Variants in DISC1 observed in about 807,000 individuals in gnomAD.
DISC1 encodes DISC1 scaffold protein.
In DISC1, 57 loss-of-function variants were observed where a neutral mutation model predicts 84.5. The observed-to-expected ratio is 0.67, with a 90% confidence interval of 0.55 to 0.84. DISC1 has a LOEUF of 0.84. Among genes scored for constraint, DISC1 ranks in the 40% least tolerant of loss-of-function variants. The probability of loss-of-function intolerance (pLI) is 0.00; values close to 1 mark genes in which losing one functional copy is unlikely to be tolerated. For missense variants in DISC1, 1,000 were observed against 1,057.8 expected (o/e 0.95, Z 0.76); for synonymous variants, 411 against 415.2 (o/e 0.99, Z 0.12).
intron 9 of DISC1, among the ~76,000 whole-genome samples, chr1:231,902,045 A>T (rs1288085575): frequency 6.8e-6 from 1 of 146,218 alleles, no homozygotes; most frequent in African/African-American, 2.8e-5. Context: ...ATTATTAAAC[A>T]TATTATATTT....
chr1:231,937,961 G>A (rs2091084806), intron 9 of DISC1, among the ~76,000 whole-genome samples: 2 of 151,768 alleles, frequency 1.3e-5, no homozygotes, highest in South Asian at 4.2e-4. Flanking sequence ...GGCTTCTATA[G>A]ACATCTCCTC....
rs148574168 is a variant in DISC1, at chr1:231,984,917, T to C, written c.2043-23868T>C. On this transcript the variant is annotated intron_variant, in intron 10 of 12. Transcript: ENST00000439617. ...AAAGCTTAGCACGGGGTCAAGAACG[T>C]AGATTTTGGGGTTAGAGTACCTAAT... 5.0e-3 allele frequency among the ~76,000 whole-genome samples: 754 copies of C among 152,296 alleles called. 17 individuals are homozygous for C. The South Asian group carries it at 0.084, about 17-fold the overall frequency.
chr1:232,023,194 T>C (rs1201287406), intron 11 of DISC1, among the ~76,000 whole-genome samples: 1 of 152,220 alleles, frequency 6.6e-6, no homozygotes, highest in Admixed American at 6.5e-5. Flanking sequence ...ATAATAATTA[T>C]AAATATTTTG....
At chr1:231,666,308 G>GA (rs2062012725) in intron 1 of DISC1, among the ~76,000 whole-genome samples, 1 of 70,630 alleles carries the variant, frequency 1.4e-5, no homozygotes. Flanking sequence ...TTTTGTCTCA[G>GA]GAAAAAAAAA....
chr1:231,869,149 TTGAATGAATGAGTGAA>T (rs1474808616), intron 9 of DISC1, among the ~76,000 whole-genome samples: 4 of 152,196 alleles, frequency 2.6e-5, no homozygotes, highest in African/African-American at 9.6e-5. Context: ...ATCAGCTTGC[TTGAATGAATGAGTGAA>T]TGAATGAATG....
chr1:231,708,191 G>A (rs959628857), intron 3 of DISC1, among the ~76,000 whole-genome samples: 9 of 152,126 alleles, frequency 5.9e-5, no homozygotes, highest in African/African-American at 9.7e-5. Context: ...GGGTATTTCC[G>A]CGGAGATTAG....
intron 9 of DISC1, among the ~76,000 whole-genome samples, chr1:231,910,478 A>T (rs1311552074): frequency 2.0e-5 from 3 of 152,076 alleles, no homozygotes; most frequent in African/African-American, 7.2e-5. Context: ...TATGTAGTTG[A>T]GCGGTTTTGA....
In DISC1 at chr1:232,009,106, G is replaced by T; in HGVS notation, c.2307+57G>T. ...ACCCTTATTCTAAGGGGTGCTTTGG[G>T]ACCATGCTCCAAATGGGAACAATAA... On this transcript the variant is annotated intron_variant, in intron 11 of 12. Coordinates refer to ENST00000439617, the MANE Select transcript of DISC1 (RefSeq NM_018662.3). The surrounding 1 kb of genome is among the most constrained non-coding windows in gnomAD (Gnocchi z 4.6). 6.2e-7 allele frequency: 1 copy of T among 1,610,588 alleles called. No individual in the cohort carries two copies. Among genetic ancestry groups the T allele is most frequent in the Non-Finnish European group, 8.5e-7 (1 of 1,178,410 alleles).
intron 9 of DISC1, among the ~76,000 whole-genome samples, chr1:231,878,407 T>C (rs1253761442): frequency 6.6e-6 from 1 of 152,136 alleles, no homozygotes; most frequent in African/African-American, 2.4e-5. Flanking sequence ...CCAGACCCTC[T>C]GAACAAGCAA....
chr1:231,904,248 T>G (rs2088446118), intron 9 of DISC1, among the ~76,000 whole-genome samples: 3 of 152,226 alleles, frequency 2.0e-5, no homozygotes, highest in African/African-American at 7.2e-5. Context: ...CAGGCCAGAC[T>G]TCCTCTAACA....
intron 1 of DISC1, among the ~76,000 whole-genome samples, chr1:231,644,432 T>C (rs922382675): frequency 2.0e-5 from 3 of 152,182 alleles, no homozygotes; most frequent in Non-Finnish European, 4.4e-5. Context: ...TAAATTCTGT[T>C]AATAGGAGGC....
intron 9 of DISC1, among the ~76,000 whole-genome samples, chr1:231,845,133 G>A (rs936596143): frequency 1.4e-4 from 21 of 152,066 alleles, no homozygotes; most frequent in Non-Finnish European, 2.4e-4. Context: ...TTATATTGAG[G>A]CATGTTCAAC....
intron 9 of DISC1, among the ~76,000 whole-genome samples, chr1:231,926,192 T>C (rs547807711): frequency 6.6e-6 from 1 of 152,294 alleles, no homozygotes; most frequent in African/African-American, 2.4e-5. Context: ...GGTGAAAAAG[T>C]AAAAGCTCTT....
intron 1 of DISC1, among the ~76,000 whole-genome samples, chr1:231,654,449 G>C (rs1423070633): frequency 6.6e-6 from 1 of 151,846 alleles, no homozygotes; most frequent in African/African-American, 2.4e-5. Context: ...CATTTCACGT[G>C]TGTGTGTGGT....
chr1:231,934,343 C>T (rs2090854595), intron 9 of DISC1, among the ~76,000 whole-genome samples: 1 of 152,178 alleles, frequency 6.6e-6, no homozygotes, highest in South Asian at 2.1e-4. Context: ...AGCATTGTAT[C>T]TTATGGGAAT....
In DISC1 at chr1:231,954,680, T is replaced by C. The variant is rs1659105885; in HGVS notation, c.1982-4148T>C. Among the ~76,000 whole-genome samples the C allele has an allele frequency of 6.6e-6, 1 of 152,084 alleles. No homozygotes were observed. The highest frequency in any genetic ancestry group is 2.4e-5 in the African/African-American group (1 of 41,396). On this transcript the variant is annotated intron_variant, in intron 9 of 12. Transcript: ENST00000439617. This position sits in a 1 kb window ranked among gnomAD's most constrained non-coding sequence, Gnocchi z 4.8. Reference sequence around the variant, plus strand: ...GGTCCCTGCTCTACTGGACCTAAAATGGTAGGGAAGAAAGGAAGAGGAGGG... The same window carrying C: ...GGTCCCTGCTCTACTGGACCTAAAACGGTAGGGAAGAAAGGAAGAGGAGGG...
At position 231,726,714 on chromosome 1, in the gene DISC1, G is replaced by C. The variant is rs142292920; in HGVS notation, c.1118-23212G>C. Among the ~76,000 whole-genome samples the C allele has an allele frequency of 7.2e-5, 11 of 152,314 alleles. No homozygotes were observed. In the East Asian group the frequency reaches 1.7e-3, roughly 24 times the overall value. Reference sequence around the variant, plus strand: ...CCCAGAATGTGTTTGGGCAAAGGCAGTTTTATAAGTGGCCACATGATCTGG... The same window carrying C: ...CCCAGAATGTGTTTGGGCAAAGGCACTTTTATAAGTGGCCACATGATCTGG... On this transcript the variant is annotated intron_variant, in intron 3 of 12. Transcript: ENST00000439617.
At chr1:231,737,807 C>T (rs758893351) in intron 3 of DISC1, among the ~76,000 whole-genome samples, 8 of 152,342 alleles carry the variant, frequency 5.3e-5, no homozygotes, top group East Asian at 1.9e-4. Context: ...TGGATACATA[C>T]GCCCGTTATC....
chr1:231,838,750 A>G (rs971331199), intron 9 of DISC1, among the ~76,000 whole-genome samples: 1 of 152,168 alleles, frequency 6.6e-6, no homozygotes, highest in Admixed American at 6.5e-5. Flanking sequence ...TGCTCGTTGT[A>G]TGGATGCATT....
Sources: allele counts gnomAD v4.1 joint callset (sites outside exome capture counted in the v4.1 genomes callset), GRCh38; gene constraint gnomAD v4.1.1; non-coding constraint Gnocchi (gnomAD v3.1); transcripts MANE v1.5; gene names NCBI Gene and HGNC (gene_info 2026-07-23, HGNC 2026-07-21).